DCBLD2: variants seen among roughly 807,000 people sequenced by gnomAD.
DCBLD2 encodes discoidin, CUB and LCCL domain containing 2.
Under a neutral mutation model 86.8 loss-of-function variants are expected in DCBLD2, and 54 were observed. The observed-to-expected ratio is 0.62, with a 90% CI of 0.50 to 0.78. The LOEUF (loss-of-function observed/expected upper bound fraction) is 0.78. Among genes scored for constraint, DCBLD2 ranks in the 30% least tolerant of loss-of-function variants. The pLI is 0.00. For missense variants in DCBLD2, 908 were observed against 954.2 expected (o/e 0.95, Z 0.64); for synonymous variants, 354 against 341.3 (o/e 1.04, Z -0.41).
In DCBLD2 at chr3:98,892,973, C is replaced by A. The variant is rs1168446658; in HGVS notation, c.205+8149G>T. Reference sequence around the variant, plus strand: ...AGGTCAAAAAGGAGAGCACAGAACTCACATTAAGATTTGGGTGGGCTGGAG... The same window carrying A: ...AGGTCAAAAAGGAGAGCACAGAACTAACATTAAGATTTGGGTGGGCTGGAG... On this transcript the variant is annotated intron_variant, in intron 1 of 15. Transcript: ENST00000326840. Among the ~76,000 whole-genome samples the A allele has an allele frequency of 2.0e-5, 3 of 152,082 alleles. No homozygotes were observed. The East Asian group carries it at 5.8e-4, about 29-fold the overall frequency.
intron 6 of DCBLD2, among the ~76,000 whole-genome samples, chr3:98,821,651 T>TA (rs1942120045): frequency 6.6e-6 from 1 of 152,170 alleles, no homozygotes; most frequent in Admixed American, 6.5e-5. Context: ...GACTTTTTTT[T>TA]AACACTTAGA....
chr3:98,861,781 C>G (rs1446668164), intron 2 of DCBLD2, among the ~76,000 whole-genome samples: 1 of 151,966 alleles, frequency 6.6e-6, no homozygotes, highest in East Asian at 1.9e-4. Flanking sequence ...CAGGAAAGAT[C>G]TAAAATGGAC....
chr3:98,832,517 T>C (rs1055535417), intron 3 of DCBLD2, among the ~76,000 whole-genome samples: 1 of 152,202 alleles, frequency 6.6e-6, no homozygotes, highest in East Asian at 1.9e-4. Flanking sequence ...GTTTGTGTGG[T>C]TCCTTTATAG....
At chr3:98,818,304 C>T (rs145147245) in intron 8 of DCBLD2, among the ~76,000 whole-genome samples, 5 of 152,198 alleles carry the variant, frequency 3.3e-5, no homozygotes, top group Admixed American at 1.3e-4. Flanking sequence ...GCTAAGTTCC[C>T]CTAAATTAAA....
At chr3:98,887,916 T>C (rs966262014) in intron 1 of DCBLD2, among the ~76,000 whole-genome samples, 11 of 151,974 alleles carry the variant, frequency 7.2e-5, no homozygotes, top group Non-Finnish European at 2.9e-5. Flanking sequence ...ATATATGACA[T>C]GTACCCACCA....
chr3:98,901,093 C>T (rs999304322), intron 1 of DCBLD2, 29 bp downstream of exon 1: 13 of 1,538,182 alleles, frequency 8.5e-6, no homozygotes, highest in African/African-American at 1.4e-5. Context: ...GGAGGTTCCC[C>T]CGCCGCTCAC....
intron 3 of DCBLD2, 98 bp downstream of exon 3, chr3:98,849,363 C>T (rs970114105): frequency 1.4e-6 from 2 of 1,461,130 alleles, no homozygotes; most frequent in Admixed American, 1.7e-5. Flanking sequence ...TCTTTCTGCT[C>T]TATTCCAATT....
At chr3:98,859,949 A>G (rs1943010054) in intron 2 of DCBLD2, among the ~76,000 whole-genome samples, 1 of 152,258 alleles carries the variant, frequency 6.6e-6, no homozygotes, top group South Asian at 2.1e-4. Context: ...AAGTTTGAAC[A>G]CAACACAAAG....
chr3:98,838,150 C>CA, intron 3 of DCBLD2, among the ~76,000 whole-genome samples: 1 of 128,240 alleles, frequency 7.8e-6, no homozygotes, highest in African/African-American at 2.9e-5. Context: ...GGGGCTGACC[C>CA]CCCCCACCTC....
In DCBLD2 at chr3:98,830,239, T is replaced by A. The variant is rs560956993; in HGVS notation, c.572-4873A>T. 1.2e-4 allele frequency among the ~76,000 whole-genome samples: 18 copies of A among 152,368 alleles called. 1 individual carries two copies. The highest frequency in any genetic ancestry group is 4.3e-4 in the African/African-American group (18 of 41,594). The stretch of plus-strand genomic sequence containing the variant: ...TTTGCTGTACAGAAGCTCTTAATTT[T>A]AATTAGATCCTATTTGTCAATGTTT... On this transcript the variant is annotated intron_variant, in intron 3 of 15. Transcript: ENST00000326840.
At chr3:98,858,729 AC>A (rs1487360534) in intron 2 of DCBLD2, among the ~76,000 whole-genome samples, 3 of 152,188 alleles carry the variant, frequency 2.0e-5, no homozygotes, top group Non-Finnish European at 2.9e-5. Flanking sequence ...ATGAAAAAAG[AC>A]CTAAGTAGGC....
At chr3:98,867,528 C>G (rs1320860290) in intron 2 of DCBLD2, among the ~76,000 whole-genome samples, 1 of 152,094 alleles carries the variant, frequency 6.6e-6, no homozygotes, top group Non-Finnish European at 1.5e-5. Context: ...ATTCAATTTT[C>G]TAGAAATAAA....
Position 98,886,800 on chromosome 3 carries a change from A to ACCCC in DCBLD2, c.206-5037_206-5034dup, listed in dbSNP as rs56817910. Among the ~76,000 whole-genome samples the ACCCC allele has an allele frequency of 2.3e-4, 28 of 123,746 alleles. 1 individual carries two copies. Among genetic ancestry groups the ACCCC allele is most frequent in the East Asian group, 8.5e-4 (3 of 3,550 alleles). The allele number at this position is 123,746 out of a possible 152,430, so 81.2% of individuals were successfully genotyped here. On this transcript the variant is annotated intron_variant, in intron 1 of 15. Transcript: ENST00000326840. ...CAAATTTTGATATTATTACAGGAAA[A>ACCCC]CCCCCCCCCTTTTTTTTTTTTTTTT...
At chr3:98,848,166 A>G (rs944729151) in intron 3 of DCBLD2, among the ~76,000 whole-genome samples, 6 of 151,988 alleles carry the variant, frequency 3.9e-5, no homozygotes, top group African/African-American at 1.5e-4. Context: ...GTTCCCCTCT[A>G]TATGTCCATG....
chr3:98,850,352 A>G (rs1279361041), intron 2 of DCBLD2, among the ~76,000 whole-genome samples: 2 of 152,262 alleles, frequency 1.3e-5, no homozygotes, highest in Non-Finnish European at 2.9e-5. Context: ...AACATAAATA[A>G]ATCACAAAAA....
At chr3:98,851,957 CG>C (rs1395524277) in intron 2 of DCBLD2, among the ~76,000 whole-genome samples, 1 of 152,104 alleles carries the variant, frequency 6.6e-6, no homozygotes, top group Non-Finnish European at 1.5e-5. Context: ...AAGACTTAAA[CG>C]TAAGACCTAA....
intron 2 of DCBLD2, among the ~76,000 whole-genome samples, chr3:98,867,321 G>T (rs1943167509): frequency 6.6e-6 from 1 of 152,132 alleles, no homozygotes; most frequent in African/African-American, 2.4e-5. Context: ...TCACGATATT[G>T]ATTCTTCCTA....
At chr3:98,803,212 CT>C (rs983739922) in intron 13 of DCBLD2, among the ~76,000 whole-genome samples, 4 of 152,174 alleles carry the variant, frequency 2.6e-5, no homozygotes, top group Non-Finnish European at 5.9e-5. Flanking sequence ...TTTGCGTCCT[CT>C]TTTATTTCAT....
intron 2 of DCBLD2, among the ~76,000 whole-genome samples, chr3:98,870,610 AGGAAAG>A (rs796431895): frequency 2.5e-4 from 38 of 151,026 alleles, no homozygotes; most frequent in African/African-American, 8.5e-4. Flanking sequence ...TAAGATGGAA[AGGAAAG>A]GGAAAGGGAA....
Sources: allele counts gnomAD v4.1 joint callset (sites outside exome capture counted in the v4.1 genomes callset), GRCh38; gene constraint gnomAD v4.1.1; transcripts MANE v1.5; gene names NCBI Gene and HGNC (gene_info 2026-07-23, HGNC 2026-07-21).